The following TVP23C variants were observed in gnomAD, a reference collection of about 807,000 sequenced individuals.
TVP23C encodes the protein Golgi apparatus membrane protein TVP23 homolog C.
TVP23C carries 19 observed loss-of-function variants against 28.7 expected under a neutral mutation model. The ratio of observed to expected loss-of-function variants is 0.66; its 90% confidence interval spans 0.46 to 0.97. The LOEUF is 0.97. Ranked by LOEUF, TVP23C falls within the 50% of genes least tolerant of loss-of-function variation. The probability of loss-of-function intolerance (pLI) is 0.00; values close to 1 mark genes in which losing one functional copy is unlikely to be tolerated. For synonymous variants in TVP23C, 68 were observed against 81.7 expected (o/e 0.83, Z 0.90); for missense variants, 186 against 241.3 (o/e 0.77, Z 1.52).
At chr17:15,511,016 T>C (rs1279400131) in intron 5 of TVP23C, among the ~76,000 whole-genome samples, 2 of 134,950 alleles carry the variant, frequency 1.5e-5, no homozygotes, top group East Asian at 4.2e-4. Context: ...ATTGCACCAT[T>C]GCACTCCAGC....
At chr17:15,552,421 C>T (rs9915120) in intron 3 of TVP23C, among the ~76,000 whole-genome samples, 1,888 of 152,344 alleles carry the variant, frequency 0.012, 51 homozygotes, top group African/African-American at 0.044. Flanking sequence ...GTGGCTCACG[C>T]CTGTAATCCC....
intron 5 of TVP23C, among the ~76,000 whole-genome samples, chr17:15,504,058 C>T (rs946829458): frequency 2.0e-5 from 3 of 152,182 alleles, no homozygotes; most frequent in African/African-American, 7.2e-5. Flanking sequence ...AGCAAGCATG[C>T]AGCCCTATCC....
At chr17:15,523,834 C>T (rs1305984172) in intron 5 of TVP23C, among the ~76,000 whole-genome samples, 6 of 151,822 alleles carry the variant, frequency 4.0e-5, no homozygotes, top group Non-Finnish European at 7.4e-5. Context: ...AGGATGGTCT[C>T]GATCTCCTGA....
At chr17:15,552,285 A>C (rs1260502924) in intron 3 of TVP23C, among the ~76,000 whole-genome samples, 4 of 152,228 alleles carry the variant, frequency 2.6e-5, no homozygotes, top group East Asian at 1.9e-4. Flanking sequence ...GACTGGACAA[A>C]AGAAAAACCT....
chr17:15,555,280 A>G lies in TVP23C; in HGVS notation c.95+2T>C. The G allele has an allele frequency of 1.2e-6, 2 of 1,613,924 alleles. No individual in the cohort carries two copies. Among genetic ancestry groups the G allele is most frequent in the Non-Finnish European group, 1.7e-6 (2 of 1,179,850 alleles). On this transcript the variant is annotated splice_donor_variant, in intron 2 of 5. Coordinates refer to ENST00000518321, the MANE Select transcript of TVP23C (RefSeq NM_001135036.2). LOFTEE classifies it high-confidence loss of function. ...CACAGCTCATGCAACTTCTCCTCCT[A>G]CCTGATTTTGGCTTTTCTTGGTCTA...
chr17:15,528,709 T>C (rs1982828918), intron 5 of TVP23C, among the ~76,000 whole-genome samples: 1 of 151,910 alleles, frequency 6.6e-6, no homozygotes, highest in Admixed American at 6.6e-5. Flanking sequence ...GAGTTCATCC[T>C]GCCTCAGCCT....
In TVP23C at chr17:15,563,119, G is replaced by A; in HGVS notation, c.12+318C>T. ...TGGGTGTCAGGAAGCTAAGAGGCCCGCAGGCCGCTCCTCCTCAACTCCACC... is the reference window on the plus strand; with the variant it reads ...TGGGTGTCAGGAAGCTAAGAGGCCCACAGGCCGCTCCTCCTCAACTCCACC... On this transcript the variant is annotated intron_variant, in intron 1 of 5. Transcript: ENST00000518321. The A allele has an allele frequency of 7.0e-6, 3 of 429,102 alleles. 1 individual carries two copies. The South Asian group carries it at 1.5e-4, about 21-fold the overall frequency. The allele number at this position is 429,102 out of a possible 1,614,324, so 26.6% of individuals were successfully genotyped here.
chr17:15,547,386 C>T (rs1983693342), intron 3 of TVP23C, among the ~76,000 whole-genome samples: 1 of 151,990 alleles, frequency 6.6e-6, no homozygotes, highest in African/African-American at 2.4e-5. Flanking sequence ...ATAAACATTA[C>T]ACCTTCTCTT....
exon 6 of TVP23C, chr17:15,502,833 CT>C: frequency 1.3e-6 from 2 of 1,516,450 alleles, no homozygotes; most frequent in South Asian, 2.6e-5. Flanking sequence ...TCTCTCTCTC[CT>C]GCGAGGAGCT....
chr17:15,505,199 C>A (rs1405583741), intron 5 of TVP23C, among the ~76,000 whole-genome samples: 20 of 151,910 alleles, frequency 1.3e-4, no homozygotes, highest in Middle Eastern at 3.4e-3. Context: ...ACAACAACAA[C>A]AAAAAAAACC....
chr17:15,536,289 G>A (rs1387200986), downstream of TVP23C, among the ~76,000 whole-genome samples: 1 of 152,160 alleles, frequency 6.6e-6, no homozygotes, highest in Non-Finnish European at 1.5e-5. Flanking sequence ...ACAAAACGAA[G>A]CCTTTATCAC....
At chr17:15,547,982 C>G (rs1983718092) in intron 3 of TVP23C, among the ~76,000 whole-genome samples, 1 of 152,088 alleles carries the variant, frequency 6.6e-6, no homozygotes, top group Admixed American at 6.5e-5. Context: ...AAAAATGTTA[C>G]CTTCATTTTC....
Position 15,545,038 on chromosome 17 carries a change from T to G in TVP23C, c.462+747A>C, listed in dbSNP as rs562342593. On this transcript the variant is annotated intron_variant, in intron 5 of 5. Transcript: ENST00000518321. ...AGTAAGACTCACAAATTGGGTCAAG[T>G]GACAAACTATATTTTCCAAAGACAG... Among the ~76,000 whole-genome samples the G allele has an allele frequency of 1.1e-4, 16 of 152,152 alleles. No individual in the cohort carries two copies. In the South Asian group the frequency reaches 3.1e-3, roughly 30 times the overall value.
intron 1 of TVP23C, among the ~76,000 whole-genome samples, chr17:15,556,623 G>T (rs1011917373): frequency 2.6e-5 from 4 of 152,122 alleles, no homozygotes; most frequent in African/African-American, 9.7e-5. Context: ...CCAATTGCTG[G>T]GATTACAGGC....
intron 1 of TVP23C, among the ~76,000 whole-genome samples, chr17:15,561,962 CACT>C (rs1984417037): frequency 6.6e-6 from 1 of 152,174 alleles, no homozygotes; most frequent in Admixed American, 6.5e-5. Context: ...TGGTCGTCCT[CACT>C]ACTAGACTCC....
intron 5 of TVP23C, among the ~76,000 whole-genome samples, chr17:15,511,511 T>A (rs978710965): frequency 6.6e-6 from 1 of 152,212 alleles, no homozygotes; most frequent in Non-Finnish European, 1.5e-5. Context: ...TTTGAATCAT[T>A]AAGAAATTTA....
chr17:15,503,222 C>A (rs749021992), exon 6 of TVP23C: 3 of 1,514,590 alleles, frequency 2.0e-6, no homozygotes, highest in Non-Finnish European at 2.6e-6. Context: ...GGCAATGTGG[C>A]GAGACCGTCT....
intron 5 of TVP23C, among the ~76,000 whole-genome samples, chr17:15,529,742 A>G (rs1193325760): frequency 2.0e-5 from 3 of 152,136 alleles, no homozygotes; most frequent in Non-Finnish European, 4.4e-5. Context: ...CTTTGAATCT[A>G]AAGTGTGCCT....
chr17:15,559,169 G>A (rs1984265882), intron 1 of TVP23C, among the ~76,000 whole-genome samples: 1 of 147,566 alleles, frequency 6.8e-6, no homozygotes, highest in African/African-American at 2.4e-5. Context: ...CTTGGGCCCC[G>A]TCAGGTTCTT....
Sources: gnomAD v4.1 joint callset for allele counts (sites outside exome capture counted in the v4.1 genomes callset) on GRCh38, gnomAD v4.1.1 for gene constraint, MANE v1.5 for transcripts, NCBI Gene and HGNC (gene_info 2026-07-23, HGNC 2026-07-21) for gene names.